NOL4: variants seen among roughly 807,000 people sequenced by gnomAD.
NOL4 encodes nucleolar protein 4.
In NOL4, 17 loss-of-function variants were observed where a neutral mutation model predicts 75.9. The ratio of observed to expected loss-of-function variants is 0.22; its 90% CI spans 0.15 to 0.34. The LOEUF (loss-of-function observed/expected upper bound fraction) is 0.34. Among genes scored for constraint, NOL4 ranks in the 10% least tolerant of loss-of-function variants. The pLI is 1.00. For synonymous variants in NOL4, 292 were observed against 289.9 expected, an observed-to-expected ratio of 1.01 and a Z score of -0.07; for missense variants, 614 against 793.5, an observed-to-expected ratio of 0.77 and a Z score of 2.72.
chr18:34,045,807 T>C (rs919634724), intron 5 of NOL4, among the ~76,000 whole-genome samples: 7 of 152,164 alleles, frequency 4.6e-5, no homozygotes, highest in Non-Finnish European at 5.9e-5. Flanking sequence ...GAATCAAATA[T>C]GCTCAAATCA....
At chr18:33,877,755 C>T (rs997614136) in intron 10 of NOL4, among the ~76,000 whole-genome samples, 9 of 151,702 alleles carry the variant, frequency 5.9e-5, no homozygotes, top group African/African-American at 2.2e-4. Flanking sequence ...GGGATTTATA[C>T]CAAATTTCCT....
At chr18:34,089,708 T>A (rs1485747645) in intron 5 of NOL4, among the ~76,000 whole-genome samples, 1 of 152,156 alleles carries the variant, frequency 6.6e-6, no homozygotes, top group African/African-American at 2.4e-5. Context: ...ACAAGGGACA[T>A]TTGCAACATC....
intron 9 of NOL4, among the ~76,000 whole-genome samples, chr18:33,891,624 ACTT>A (rs1208732395): frequency 2.0e-5 from 3 of 152,100 alleles, no homozygotes; most frequent in Non-Finnish European, 4.4e-5. Context: ...ATACAAGTCT[ACTT>A]CTTCGTATTT....
At position 33,852,763 on chromosome 18, in the gene NOL4, A is replaced by G. The variant is rs2062676766; in HGVS notation, c.*79T>C. 1 of 1,222,674 alleles carries G rather than the reference A, an allele frequency of 8.2e-7. No homozygotes were observed. The highest frequency in any genetic ancestry group is 1.5e-5 in the African/African-American group (1 of 66,676). The allele number at this position is 1,222,674 out of a possible 1,614,324, so 75.7% of individuals were successfully genotyped here. On this transcript the variant is annotated 3_prime_UTR_variant, in exon 11 of 11. Transcript: ENST00000261592. ...TAAAAGACTGTGCAGTAAGACCAGA[A>G]GTATCTCTGTTGGGAAATCAAAATG...
rs1386567114 is a variant in NOL4 at position 34,224,161 on chromosome 18, G to A, written c.-908C>T. The A allele has an allele frequency of 6.6e-6, 1 of 152,358 alleles. No individual in the cohort carries two copies. The highest frequency in any genetic ancestry group is 1.5e-5 in the Non-Finnish European group (1 of 68,134). 9.4% of individuals were successfully genotyped at this position (152,358 alleles called of 1,614,324 possible). On this transcript the variant is annotated 5_prime_UTR_variant, in exon 1 of 11. The change creates a premature stop within an existing upstream ORF in the 5' untranslated region. Coordinates refer to ENST00000261592, the MANE Select transcript of NOL4 (RefSeq NM_003787.5). ...TGTGGGTAACCGAAGGCAGGCCGCTGGCGGCGGGTATCCCGAATAATGATG... is the reference window on the plus strand; with the variant it reads ...TGTGGGTAACCGAAGGCAGGCCGCTAGCGGCGGGTATCCCGAATAATGATG...
At chr18:34,209,668 T>G (rs917583749) in intron 1 of NOL4, among the ~76,000 whole-genome samples, 2 of 151,976 alleles carry the variant, frequency 1.3e-5, no homozygotes, top group Non-Finnish European at 2.9e-5. Flanking sequence ...TCACAAGAAA[T>G]TGAAGTAGTA....
At chr18:33,932,295 G>A (rs2067748188) in intron 9 of NOL4, among the ~76,000 whole-genome samples, 1 of 151,908 alleles carries the variant, frequency 6.6e-6, no homozygotes, top group Admixed American at 6.6e-5. Context: ...GGCATTTCAA[G>A]GTAATTCTTG....
chr18:34,066,066 G>A (rs1319928863), intron 5 of NOL4, among the ~76,000 whole-genome samples: 1 of 151,770 alleles, frequency 6.6e-6, no homozygotes, highest in African/African-American at 2.4e-5. Flanking sequence ...CAGGTTCACA[G>A]GATTGATTTG....
At chr18:34,036,565 T>G (rs2075908769) in intron 5 of NOL4, among the ~76,000 whole-genome samples, 1 of 152,184 alleles carries the variant, frequency 6.6e-6, no homozygotes, top group African/African-American at 2.4e-5. Flanking sequence ...GGATGCTCAC[T>G]TTCATCATTC....
At chr18:34,128,937 A>G in intron 2 of NOL4, 2 of 767,276 alleles carry the variant, frequency 2.6e-6, no homozygotes, top group Non-Finnish European at 3.2e-6. Flanking sequence ...AATATAGCTG[A>G]AAACAGTTAA....
intron 10 of NOL4, among the ~76,000 whole-genome samples, chr18:33,861,814 G>T (rs980344023): frequency 5.3e-5 from 8 of 152,040 alleles, no homozygotes; most frequent in African/African-American, 1.4e-4. Context: ...TGGGTAGGAA[G>T]AATCAATATC....
At chr18:34,187,347 T>C (rs1600828089) in intron 1 of NOL4, among the ~76,000 whole-genome samples, 1 of 151,838 alleles carries the variant, frequency 6.6e-6, no homozygotes, top group African/African-American at 2.4e-5. Context: ...TTCTATGTCT[T>C]TTCATGGTTT....
intron 1 of NOL4, among the ~76,000 whole-genome samples, chr18:34,203,530 T>C (rs768127030): frequency 6.6e-6 from 1 of 151,816 alleles, no homozygotes; most frequent in Non-Finnish European, 1.5e-5. Context: ...TATTATATTA[T>C]AGCTTTGAAA....
intron 8 of NOL4, among the ~76,000 whole-genome samples, chr18:33,955,513 T>A (rs1000946243): frequency 6.6e-6 from 1 of 152,064 alleles, no homozygotes; most frequent in Non-Finnish European, 1.5e-5. Context: ...TTAAAATTTA[T>A]CAAATCCACC....
At chr18:33,893,309 A>C (rs986475321) in intron 9 of NOL4, among the ~76,000 whole-genome samples, 1 of 152,174 alleles carries the variant, frequency 6.6e-6, no homozygotes, top group Admixed American at 6.6e-5. Context: ...CCATTGGCAC[A>C]CTGTTTGAGA....
At chr18:34,010,072 A>G (rs2074282645) in intron 6 of NOL4, among the ~76,000 whole-genome samples, 1 of 151,768 alleles carries the variant, frequency 6.6e-6, no homozygotes, top group Admixed American at 6.6e-5. Context: ...ACCCCAGCTA[A>G]CCCTAAGATC....
intron 9 of NOL4, among the ~76,000 whole-genome samples, chr18:33,894,356 CA>C (rs1350692400): frequency 6.6e-6 from 1 of 152,144 alleles, no homozygotes; most frequent in Non-Finnish European, 1.5e-5. Flanking sequence ...CATACCCTCA[CA>C]TATACAACAA....
intron 1 of NOL4, chr18:34,222,318 T>C (rs769308516): frequency 8.2e-5 from 104 of 1,272,482 alleles, no homozygotes; most frequent in Admixed American, 2.1e-4. Context: ...GCTTTATTTG[T>C]GGAAGAGGGA....
chr18:34,123,714 A>T (rs180837422), intron 2 of NOL4, among the ~76,000 whole-genome samples: 32 of 149,410 alleles, frequency 2.1e-4, no homozygotes, highest in African/African-American at 7.8e-4. Context: ...ATAGAGAGAT[A>T]GATGGATACA....
Sources: allele counts gnomAD v4.1 joint callset (sites outside exome capture counted in the v4.1 genomes callset), GRCh38; gene constraint gnomAD v4.1.1; transcripts MANE v1.5; gene names NCBI Gene and HGNC (gene_info 2026-07-23, HGNC 2026-07-21).